ARHGAP22: variants seen among roughly 807,000 people sequenced by gnomAD.
ARHGAP22 encodes the protein Rho GTPase activating protein 22.
A neutral mutation model predicts 59.1 loss-of-function variants in ARHGAP22; 48 were observed. That is an observed-to-expected ratio of 0.81 (90% CI 0.64 to 1.03). The LOEUF (loss-of-function observed/expected upper bound fraction) is 1.03. Ranked by LOEUF, ARHGAP22 falls within the 50% of genes least tolerant of loss-of-function variation. ARHGAP22 has a pLI of 0.00. For synonymous variants in ARHGAP22, 445 were observed against 416.4 expected, an observed-to-expected ratio of 1.07 and a Z score of -0.84; for missense variants, 1,015 against 958.7, an observed-to-expected ratio of 1.06 and a Z score of -0.78.
At chr10:48,580,178 GT>G (rs1186171264) in intron 2 of ARHGAP22, among the ~76,000 whole-genome samples, 1 of 152,222 alleles carries the variant, frequency 6.6e-6, no homozygotes, top group Non-Finnish European at 1.5e-5. Context: ...AAATGCCCTG[GT>G]TCAGTTTAGA....
At chr10:48,525,275 C>T (rs1405071604) in intron 3 of ARHGAP22, among the ~76,000 whole-genome samples, 3 of 152,178 alleles carry the variant, frequency 2.0e-5, no homozygotes, top group Non-Finnish European at 4.4e-5. Context: ...AAATGTTCAT[C>T]AGTAAAAGAA....
intron 1 of ARHGAP22, among the ~76,000 whole-genome samples, chr10:48,589,899 C>G (rs763028002): frequency 6.6e-6 from 1 of 152,124 alleles, no homozygotes; most frequent in Non-Finnish European, 1.5e-5. Context: ...TTACTACACA[C>G]AGAGGAAAAT....
chr10:48,432,825 G>A, the ARHGAP22 span, among the ~76,000 whole-genome samples: 1 of 152,152 alleles, frequency 6.6e-6, no homozygotes, highest in Non-Finnish European at 1.5e-5. Flanking sequence ...TAGAAATTGA[G>A]GTTTCTAGAC....
At chr10:48,569,927 T>A (rs1300389711) in intron 2 of ARHGAP22, among the ~76,000 whole-genome samples, 2 of 152,182 alleles carry the variant, frequency 1.3e-5, no homozygotes, top group Non-Finnish European at 2.9e-5. Context: ...CATACATTAG[T>A]CCCCAGACAT....
chr10:48,618,488 T>C (rs2061168162), intron 1 of ARHGAP22, among the ~76,000 whole-genome samples: 1 of 152,084 alleles, frequency 6.6e-6, no homozygotes, highest in South Asian at 2.1e-4. Context: ...GTTAAAAAGA[T>C]CATTCACCAT....
intron 3 of ARHGAP22, among the ~76,000 whole-genome samples, chr10:48,496,788 G>T (rs544807179): frequency 6.6e-6 from 1 of 152,198 alleles, no homozygotes; most frequent in African/African-American, 2.4e-5. Flanking sequence ...AGTAATGGAG[G>T]GGGGCTGCAT....
chr10:48,631,505 A>G (rs937122863), intron 1 of ARHGAP22, among the ~76,000 whole-genome samples: 3 of 152,148 alleles, frequency 2.0e-5, no homozygotes, highest in Admixed American at 2.0e-4. Context: ...AAAATGATAT[A>G]TTTCTCCTTG....
chr10:48,443,351 C>T (rs186723747), downstream of ARHGAP22, among the ~76,000 whole-genome samples: 4 of 152,294 alleles, frequency 2.6e-5, no homozygotes, highest in Admixed American at 1.3e-4. Flanking sequence ...TCACCATGGG[C>T]GATAGGCCCT....
chr10:48,624,865 T>C (rs1451003117), intron 1 of ARHGAP22: 1 of 152,258 alleles, frequency 6.6e-6, no homozygotes, highest in Admixed American at 6.5e-5. Context: ...CTGAAAATCA[T>C]GGTGATCCTC....
intron 5 of ARHGAP22, among the ~76,000 whole-genome samples, chr10:48,458,203 G>C (rs2046759612): frequency 6.6e-6 from 1 of 152,132 alleles, no homozygotes; most frequent in Non-Finnish European, 1.5e-5. Context: ...TGGCCCTCCT[G>C]ACACAATTCC....
In ARHGAP22 at chr10:48,471,621, G is replaced by A. The variant is rs541936831; in HGVS notation, c.451+8015C>T. On this transcript the variant is annotated intron_variant, in intron 4 of 9. Coordinates refer to ENST00000249601, the MANE Select transcript of ARHGAP22 (RefSeq NM_021226.4). ...CCCTTCTTACTTCATAACAACTCCA[G>A]CCTCCAGATGCCCAGCCAGACACCA... Among the ~76,000 whole-genome samples, 6 of 152,232 alleles carry A rather than the reference G, an allele frequency of 3.9e-5. No individual in the cohort carries two copies. In the South Asian group the frequency reaches 1.2e-3, roughly 32 times the overall value.
intron 3 of ARHGAP22, among the ~76,000 whole-genome samples, chr10:48,486,862 T>C (rs2049909105): frequency 6.6e-6 from 1 of 152,250 alleles, no homozygotes; most frequent in Non-Finnish European, 1.5e-5. Flanking sequence ...TCTCACTGGA[T>C]AAAGTCTTCA....
At chr10:48,556,861 C>A (rs2057341117) in intron 2 of ARHGAP22, among the ~76,000 whole-genome samples, 1 of 152,136 alleles carries the variant, frequency 6.6e-6, no homozygotes. Flanking sequence ...GTATCCAGGT[C>A]GCCTCCTGCC....
At chr10:48,641,903 A>G (rs2062063612) in intron 1 of ARHGAP22, among the ~76,000 whole-genome samples, 1 of 152,240 alleles carries the variant, frequency 6.6e-6, no homozygotes. Flanking sequence ...AGGATACAAA[A>G]TCAATGTGCA....
At chr10:48,649,511 G>T (rs1170254578) in intron 1 of ARHGAP22, among the ~76,000 whole-genome samples, 4 of 152,196 alleles carry the variant, frequency 2.6e-5, no homozygotes, top group Admixed American at 6.5e-5. Context: ...ATGGGCAGAG[G>T]CCACCGTCTT....
rs1225228612 is a variant in ARHGAP22 at position 48,467,352 on chromosome 10, T to C, written c.452-7461A>G. 4.0e-5 allele frequency among the ~76,000 whole-genome samples: 6 copies of C among 151,854 alleles called. No individual in the cohort carries two copies. The East Asian group carries it at 1.2e-3, about 29-fold the overall frequency. On this transcript the variant is annotated intron_variant, in intron 4 of 9. Transcript: ENST00000249601. ...CCCCATACTTCCAAAGGGTGAGGGC[T>C]GGAATGGGTACACCAGGAAGGCAGG...
chr10:48,560,078 G>C (rs1244938993), intron 2 of ARHGAP22, among the ~76,000 whole-genome samples: 1 of 152,148 alleles, frequency 6.6e-6, no homozygotes, highest in African/African-American at 2.4e-5. Context: ...ATTTAATTAA[G>C]GTTGCAGATA....
chr10:48,528,032 C>A (rs761695553), intron 3 of ARHGAP22, among the ~76,000 whole-genome samples: 6 of 152,238 alleles, frequency 3.9e-5, no homozygotes, highest in African/African-American at 7.2e-5. Flanking sequence ...CAGAGCTCTA[C>A]TTCCTGCCAC....
chr10:48,573,255 T>C (rs977689911), intron 2 of ARHGAP22, among the ~76,000 whole-genome samples: 2 of 152,180 alleles, frequency 1.3e-5, no homozygotes. Context: ...ATTTCCTACA[T>C]GGTTTACCGC....
Sources: allele counts gnomAD v4.1 joint callset (sites outside exome capture counted in the v4.1 genomes callset), GRCh38; gene constraint gnomAD v4.1.1; transcripts MANE v1.5; gene names NCBI Gene and HGNC (gene_info 2026-07-23, HGNC 2026-07-21).